Variants in RANBP2 observed in about 807,000 individuals in gnomAD.
The protein encoded by RANBP2 is E3 SUMO-protein ligase RanBP2.
Under a neutral mutation model 303.6 loss-of-function variants are expected in RANBP2, and 57 were observed. The observed-to-expected ratio is 0.19, with a 90% CI of 0.15 to 0.23. RANBP2 has a LOEUF of 0.23. Ranked by LOEUF, RANBP2 falls within the 10% of genes least tolerant of loss-of-function variation. The pLI is 1.00. For missense variants in RANBP2, 3,138 were observed against 3,780.8 expected (o/e 0.83, Z 4.46); for synonymous variants, 1,167 against 1,301.5 (o/e 0.90, Z 2.23).
the RANBP2 span, among the ~76,000 whole-genome samples, chr2:109,092,646 G>C: frequency 6.6e-6 from 1 of 152,158 alleles, no homozygotes; most frequent in Non-Finnish European, 1.5e-5. Context: ...GGAATCTACA[G>C]AGAAAGGGAA....
chr2:109,241,559 T>C, the RANBP2 span, among the ~76,000 whole-genome samples: 1 of 152,254 alleles, frequency 6.6e-6, no homozygotes, highest in South Asian at 2.1e-4. Context: ...CCACACAACC[T>C]TCTTCCCTCC....
At chr2:109,436,851 T>C in the RANBP2 span, 1 of 1,600,344 alleles carries the variant, frequency 6.2e-7, no homozygotes, top group Non-Finnish European at 8.5e-7. Context: ...CACGAATGCC[T>C]CTGAGCCTCT....
At chr2:109,507,071 C>A in the RANBP2 span, among the ~76,000 whole-genome samples, 1 of 152,170 alleles carries the variant, frequency 6.6e-6, no homozygotes, top group African/African-American at 2.4e-5. Context: ...GAGTGGTCGG[C>A]TCTGAGCTCT....
At chr2:108,937,194 C>T in the RANBP2 span, among the ~76,000 whole-genome samples, 33 of 152,356 alleles carry the variant, frequency 2.2e-4, no homozygotes, top group Middle Eastern at 3.4e-3. Flanking sequence ...TTATAAGCAG[C>T]CACTCTTCTT....
the RANBP2 span, among the ~76,000 whole-genome samples, chr2:109,450,362 A>G: frequency 1.3e-4 from 6 of 45,432 alleles, no homozygotes; most frequent in Non-Finnish European, 3.7e-4. Context: ...AAAAAAAGAA[A>G]AAGAAAGAAA....
At chr2:109,512,262 G>A in the RANBP2 span, among the ~76,000 whole-genome samples, 5 of 151,996 alleles carry the variant, frequency 3.3e-5, no homozygotes, top group African/African-American at 9.7e-5. Flanking sequence ...CTGACGTGTG[G>A]GCCCCATGTG....
At chr2:109,432,745 T>C in the RANBP2 span, 1 of 1,516,104 alleles carries the variant, frequency 6.6e-7, no homozygotes. Flanking sequence ...TTGTTACTGC[T>C]GGAGGCTACT....
the RANBP2 span, among the ~76,000 whole-genome samples, chr2:108,813,844 A>AT: frequency 6.6e-6 from 1 of 152,154 alleles, no homozygotes; most frequent in Non-Finnish European, 1.5e-5. Flanking sequence ...TGTTTGAGAC[A>AT]TTTGGTCAGT....
the RANBP2 span, among the ~76,000 whole-genome samples, chr2:109,669,647 T>C: frequency 6.6e-6 from 1 of 152,202 alleles, no homozygotes; most frequent in Non-Finnish European, 1.5e-5. Flanking sequence ...CCTACATTCA[T>C]GAATGAGAAA....
chr2:108,755,091 A>G lies in RANBP2; in HGVS notation c.2382+7A>G. On this transcript the variant is annotated splice_region_variant and intron_variant, in intron 16 of 28. Transcript: ENST00000283195. Reference sequence around the variant, plus strand: ...ACCAAGTAAAAGTTACAAGGTAAACAGGAAAGAATGGAATCATTTCATTGT... The same window carrying G: ...ACCAAGTAAAAGTTACAAGGTAAACGGGAAAGAATGGAATCATTTCATTGT... 6.2e-7 allele frequency: 1 copy of G among 1,611,996 alleles called. No individual in the cohort carries two copies. Among genetic ancestry groups the G allele is most frequent in the Non-Finnish European group, 8.5e-7 (1 of 1,179,840 alleles).
the RANBP2 span, among the ~76,000 whole-genome samples, chr2:109,483,644 G>C: frequency 6.6e-6 from 1 of 152,216 alleles, no homozygotes; most frequent in Non-Finnish European, 1.5e-5. Flanking sequence ...TTGGCATAGA[G>C]TTTGGTATAA....
the RANBP2 span, among the ~76,000 whole-genome samples, chr2:109,173,343 A>C: frequency 6.6e-6 from 1 of 152,146 alleles, no homozygotes. Flanking sequence ...TCTGCCCGTT[A>C]TCAACCGAGC....
At chr2:108,929,140 C>G in the RANBP2 span, 1 of 1,599,928 alleles carries the variant, frequency 6.3e-7, no homozygotes, top group Non-Finnish European at 8.6e-7. Context: ...TTGCCCGTAG[C>G]CCCTCGGGGT....
At chr2:109,510,707 G>T in the RANBP2 span, among the ~76,000 whole-genome samples, 9 of 152,286 alleles carry the variant, frequency 5.9e-5, no homozygotes, top group South Asian at 1.9e-3. Context: ...CCTCCTCCCT[G>T]CCCAGCCTGG....
the RANBP2 span, among the ~76,000 whole-genome samples, chr2:109,604,353 G>A: frequency 1.1e-5 from 1 of 92,258 alleles, no homozygotes; most frequent in African/African-American, 4.8e-5. Flanking sequence ...AAGAAAGAAA[G>A]AAAAAGAAAG....
chr2:108,808,495 T>A, the RANBP2 span, among the ~76,000 whole-genome samples: 1 of 152,170 alleles, frequency 6.6e-6, no homozygotes, highest in African/African-American at 2.4e-5. Context: ...TAAAAGAGTT[T>A]CCCTTCTCCA....
the RANBP2 span, among the ~76,000 whole-genome samples, chr2:109,384,649 C>G: frequency 6.6e-6 from 1 of 152,180 alleles, no homozygotes; most frequent in African/African-American, 2.4e-5. Context: ...GTGCCTGTGT[C>G]CATAGACTCC....
Position 108,782,144 on chromosome 2 carries a change from G to A in RANBP2, c.8777G>A (p.Gly2926Glu). The A allele has an allele frequency of 6.2e-7, 1 of 1,614,076 alleles. No individual in the cohort carries two copies. Among genetic ancestry groups the A allele is most frequent in the South Asian group, 1.1e-5 (1 of 91,074 alleles). ...VSLPEVEVKS[G>E]EEDEEILFKE... ...CTATTATAGGTAGAAGTAAAATCTG[G>A]AGAAGAAGATGAAGAAATTTTGTTT... The change falls in exon 27 of 29, where the codon GGA becomes GAA. Residue 2926 changes from glycine (G) to glutamate (E), a missense_variant. This residue lies in a region of RANBP2 where 68 missense variants were observed against 117.4 expected (regional missense o/e 0.58). Coordinates refer to ENST00000283195, the MANE Select transcript of RANBP2 (RefSeq NM_006267.5).
At chr2:109,249,805 C>T in the RANBP2 span, among the ~76,000 whole-genome samples, 232 of 151,442 alleles carry the variant, frequency 1.5e-3, no homozygotes, top group Non-Finnish European at 2.5e-3. Flanking sequence ...TACAGGCGCC[C>T]GCCACCGCGC....
Sources: gnomAD v4.1 joint callset for allele counts (sites outside exome capture counted in the v4.1 genomes callset) on GRCh38, gnomAD v4.1.1 for gene constraint, gnomAD v4.1.1 regional missense constraint, MANE v1.5 for transcripts, NCBI Gene and HGNC (gene_info 2026-07-23, HGNC 2026-07-21) for gene names.